SRRM3: variants seen among roughly 807,000 people sequenced by gnomAD.
SRRM3 encodes the protein serine/arginine repetitive matrix 3, also known as serine/arginine repetitive matrix protein 3.
SRRM3 carries 27 observed loss-of-function variants against 66.2 expected under a neutral mutation model. The ratio of observed to expected loss-of-function variants is 0.41; its 90% CI spans 0.30 to 0.56. The LOEUF is 0.56. SRRM3 is among the 20% of genes least tolerant of loss of function. The probability of loss-of-function intolerance (pLI) is 0.32; values close to 1 mark genes in which losing one functional copy is unlikely to be tolerated. For missense variants in SRRM3, 918 were observed against 991.9 expected (o/e 0.93, Z 1.00); for synonymous variants, 391 against 414.9 (o/e 0.94, Z 0.70).
At chr7:76,242,528 T>G (rs1370395731) in intron 2 of SRRM3, among the ~76,000 whole-genome samples, 122 of 143,634 alleles carry the variant, frequency 8.5e-4, no homozygotes, top group African/African-American at 3.1e-3. Flanking sequence ...GGCGGGGTGG[T>G]GGGGGGATGG....
chr7:76,274,962 C>G (rs970299106), intron 11 of SRRM3, among the ~76,000 whole-genome samples: 4 of 152,100 alleles, frequency 2.6e-5, no homozygotes. Context: ...AAAAATTAGC[C>G]GGGCATGGTG....
rs116223650 is a variant in SRRM3 at position 76,257,605 on chromosome 7, C to T, written c.336-2301C>T. ...GCAACATAGTGAGACCCCATCTCTA[C>T]AAAAAAAGTTTTTTTTAATTAGTTG... On this transcript the variant is annotated intron_variant, in intron 3 of 14. Coordinates refer to ENST00000611745, the MANE Select transcript of SRRM3 (RefSeq NM_001110199.3). Among the ~76,000 whole-genome samples the T allele has an allele frequency of 5.5e-3, 839 of 151,650 alleles. 11 individuals are homozygous for T. The highest frequency in any genetic ancestry group is 0.019 in the African/African-American group (771 of 41,338).
At chr7:76,256,751 C>T (rs1358035526) in intron 3 of SRRM3, among the ~76,000 whole-genome samples, 5 of 149,448 alleles carry the variant, frequency 3.3e-5, no homozygotes, top group African/African-American at 1.2e-4. Context: ...TCCTTTTTGC[C>T]CAGGCTAGAG....
At chr7:76,243,498 G>A (rs1554605827) in intron 2 of SRRM3, among the ~76,000 whole-genome samples, 1 of 152,158 alleles carries the variant, frequency 6.6e-6, no homozygotes, top group Non-Finnish European at 1.5e-5. Context: ...ACAGACAGGT[G>A]CTGGAGTTCA....
At chr7:76,218,123 G>T (rs1318804103) in intron 1 of SRRM3, among the ~76,000 whole-genome samples, 3 of 152,186 alleles carry the variant, frequency 2.0e-5, no homozygotes, top group Admixed American at 1.3e-4. Context: ...AGCCTGGAGC[G>T]GGGGTTGGGA....
intron 11 of SRRM3, among the ~76,000 whole-genome samples, chr7:76,279,316 C>T (rs1802437868): frequency 6.6e-6 from 1 of 151,980 alleles, no homozygotes; most frequent in African/African-American, 2.4e-5. Flanking sequence ...CACCACCTGG[C>T]TTCTAGGACT....
chr7:76,218,296 G>C (rs1554602843), intron 1 of SRRM3, among the ~76,000 whole-genome samples: 1 of 152,162 alleles, frequency 6.6e-6, no homozygotes, highest in African/African-American at 2.4e-5. Flanking sequence ...CTCCACCAAG[G>C]CCATCTGATT....
chr7:76,249,718 C>G (rs1220560546), intron 3 of SRRM3, among the ~76,000 whole-genome samples: 1 of 152,166 alleles, frequency 6.6e-6, no homozygotes, highest in Non-Finnish European at 1.5e-5. Flanking sequence ...CCTCAGTTTC[C>G]CCGCCCAGCA....
chr7:76,243,120 G>A (rs536920720), intron 2 of SRRM3, among the ~76,000 whole-genome samples: 9 of 152,102 alleles, frequency 5.9e-5, no homozygotes, highest in Non-Finnish European at 1.3e-4. Context: ...GATTGGGAGG[G>A]GACTAATATC....
chr7:76,261,036 T>C, intron 6 of SRRM3, 133 bp downstream of exon 6: 1 of 980,106 alleles, frequency 1.0e-6, no homozygotes, highest in Non-Finnish European at 1.5e-6. Context: ...AGGTGCAAGT[T>C]TTGCCCCTAC....
intron 2 of SRRM3, among the ~76,000 whole-genome samples, chr7:76,237,444 G>A (rs782706134): frequency 2.0e-5 from 3 of 151,798 alleles, no homozygotes; most frequent in East Asian, 1.9e-4. Context: ...GCATGGTGAC[G>A]AGCGCCTGTA....
At chr7:76,223,275 A>C (rs1800770246) in intron 1 of SRRM3, among the ~76,000 whole-genome samples, 1 of 152,248 alleles carries the variant, frequency 6.6e-6, no homozygotes, top group East Asian at 1.9e-4. Flanking sequence ...TTACCCCCCC[A>C]GCCCCACGCT....
Position 76,267,299 on chromosome 7 carries a change from G to A in SRRM3, c.872G>A (p.Ser291Asn). The change falls in exon 11 of 15, where the codon AGC (serine) becomes AAC (asparagine). Residue 291 changes from serine to asparagine, a missense_variant. Physicochemically the swap from Ser to Asn is conservative, Grantham distance 46 (BLOSUM62 1). Coordinates refer to ENST00000611745, the MANE Select transcript of SRRM3 (RefSeq NM_001110199.3). Reference sequence around the variant, plus strand: ...CGAGACGAAGGGCGAAAGACGGGCAGCCAGCGGTCCAGCGGAAGCCGGTCG... The same window carrying A: ...CGAGACGAAGGGCGAAAGACGGGCAACCAGCGGTCCAGCGGAAGCCGGTCG... ...KHRDEGRKTG[S>N]QRSSGSRSPS... 6.4e-7 allele frequency: 1 copy of A among 1,557,404 alleles called. No homozygotes were observed. The highest frequency in any genetic ancestry group is 8.6e-7 in the Non-Finnish European group (1 of 1,157,598).
chr7:76,210,802 T>G (rs1554601633), intron 1 of SRRM3, among the ~76,000 whole-genome samples: 1 of 150,852 alleles, frequency 6.6e-6, no homozygotes. Context: ...CCAGCAGCCC[T>G]GGATAATTTT....
intron 2 of SRRM3, among the ~76,000 whole-genome samples, chr7:76,242,801 A>G (rs529278026): frequency 6.6e-6 from 1 of 152,250 alleles, no homozygotes; most frequent in South Asian, 2.1e-4. Context: ...CTCCTATGAG[A>G]ATCTAATGCC....
At chr7:76,214,352 C>G (rs1800506114) in intron 1 of SRRM3, among the ~76,000 whole-genome samples, 1 of 152,214 alleles carries the variant, frequency 6.6e-6, no homozygotes, top group Non-Finnish European at 1.5e-5. Flanking sequence ...GCCATTCCTA[C>G]CTCCCACCCA....
chr7:76,283,266 G>A (rs1468349509), intron 14 of SRRM3, among the ~76,000 whole-genome samples, 165 bp downstream of exon 14: 1 of 151,780 alleles, frequency 6.6e-6, no homozygotes, highest in Non-Finnish European at 1.5e-5. Context: ...AGGGTAGGGG[G>A]CCAGGGGAGG....
intron 1 of SRRM3, among the ~76,000 whole-genome samples, chr7:76,225,147 GTTTAATGACT>G (rs1800826760): frequency 6.6e-6 from 1 of 152,178 alleles, no homozygotes; most frequent in Non-Finnish European, 1.5e-5. Context: ...GCTCGGAGAA[GTTTAATGACT>G]TTTCCTGATC....
intron 1 of SRRM3, among the ~76,000 whole-genome samples, chr7:76,227,417 C>T (rs1563613942): frequency 6.6e-6 from 1 of 152,246 alleles, no homozygotes; most frequent in Non-Finnish European, 1.5e-5. Flanking sequence ...TCCACCTGGT[C>T]ACCCAGGCCA....
Sources: gnomAD v4.1 joint callset for allele counts (sites outside exome capture counted in the v4.1 genomes callset) on GRCh38, gnomAD v4.1.1 for gene constraint, MANE v1.5 for transcripts, NCBI Gene and HGNC (gene_info 2026-07-23, HGNC 2026-07-21) for gene names.